The following DSCAM variants were observed in gnomAD, a reference collection of about 807,000 sequenced individuals.
DSCAM encodes cell adhesion molecule DSCAM.
DSCAM carries 47 observed loss-of-function variants against 217.7 expected under a neutral mutation model. The observed-to-expected ratio is 0.22, with a 90% CI of 0.17 to 0.28. The LOEUF (loss-of-function observed/expected upper bound fraction) is 0.28, where lower values mean the gene tolerates loss of function less well. Among genes scored for constraint, DSCAM ranks in the 10% least tolerant of loss-of-function variants. The pLI is 1.00. For missense variants in DSCAM, 2,080 were observed against 2,618.3 expected, an observed-to-expected ratio of 0.79 and a Z score of 4.49; for synonymous variants, 1,056 against 1,015.3, an observed-to-expected ratio of 1.04 and a Z score of -0.76.
intron 3 of DSCAM, among the ~76,000 whole-genome samples, chr21:40,487,322 T>TGAGAGAGA (rs1373428913): frequency 2.2e-5 from 3 of 138,344 alleles, no homozygotes; most frequent in African/African-American, 8.5e-5. Context: ...TGTGTGTGTG[T>TGAGAGAGA]GTGTGAGAGA....
chr21:40,012,907 C>CTT lies in DSCAM; in HGVS notation c.*125_*126dup, dbSNP rs11451228. 0.33 allele frequency: 179,443 copies of CTT among 547,482 alleles called. 16,337 individuals carry two copies. The highest frequency in any genetic ancestry group is 0.35 in the Non-Finnish European group (129,994 of 366,192). 33.9% of individuals were successfully genotyped at this position (547,482 alleles called of 1,614,324 possible). A position where few individuals can be genotyped will look rare whatever the true frequency, so the allele number is the denominator to read the frequency against. On this transcript the variant is annotated 3_prime_UTR_variant, in exon 33 of 33. Coordinates refer to ENST00000400454, the MANE Select transcript of DSCAM (RefSeq NM_001389.5). ...ACTGTCTGTGGTTTCAGTATTTTCT[C>CTT]TTTTTTTTTTTTAATATATTTTGGC...
chr21:40,689,059 A>G (rs958819652), intron 3 of DSCAM, among the ~76,000 whole-genome samples: 1 of 152,170 alleles, frequency 6.6e-6, no homozygotes. Context: ...CACAACACTC[A>G]TTAAACCCTG....
rs373471086 is a variant in DSCAM at position 40,166,967 on chromosome 21, C to T, written c.3018+251G>A. Among the ~76,000 whole-genome samples, 7 of 144,272 alleles carry T rather than the reference C, an allele frequency of 4.9e-5. No individual in the cohort carries two copies. The South Asian group carries it at 1.1e-3, about 23-fold the overall frequency. 94.6% of individuals were successfully genotyped at this position (144,272 alleles called of 152,430 possible). On this transcript the variant is annotated intron_variant, in intron 16 of 32. Transcript: ENST00000400454. Reference sequence around the variant, plus strand: ...ATTTCTGTAGAGACCACTGCTTAGACCTTGATCAAGATTCAAGGAAGAAAA... The same window carrying T: ...ATTTCTGTAGAGACCACTGCTTAGATCTTGATCAAGATTCAAGGAAGAAAA...
intron 11 of DSCAM, among the ~76,000 whole-genome samples, chr21:40,220,245 C>T (rs1293579585): frequency 6.6e-6 from 1 of 152,132 alleles, no homozygotes; most frequent in East Asian, 1.9e-4. Flanking sequence ...CTGTGTGTGG[C>T]CAGCTACCTC....
chr21:40,446,109 G>A (rs1002986360), intron 3 of DSCAM, among the ~76,000 whole-genome samples: 1 of 152,180 alleles, frequency 6.6e-6, no homozygotes, highest in Non-Finnish European at 1.5e-5. Context: ...TTACCTGACA[G>A]ACATCAAGAA....
intron 3 of DSCAM, among the ~76,000 whole-genome samples, chr21:40,376,112 G>T (rs189898899): frequency 1.6e-4 from 25 of 152,168 alleles, no homozygotes; most frequent in Admixed American, 1.6e-3. Flanking sequence ...TCCTATTGCA[G>T]TCTATATGAA....
At chr21:40,817,663 C>G (rs999327447) in intron 1 of DSCAM, among the ~76,000 whole-genome samples, 1 of 152,194 alleles carries the variant, frequency 6.6e-6, no homozygotes, top group Admixed American at 6.5e-5. Context: ...AAAATCTCTC[C>G]GAGTAAGCAT....
chr21:40,439,348 C>A (rs1168680284), intron 3 of DSCAM, among the ~76,000 whole-genome samples: 2 of 152,146 alleles, frequency 1.3e-5, no homozygotes, highest in Non-Finnish European at 2.9e-5. Flanking sequence ...GCAGATCAGG[C>A]CTGGATCCCA....
At chr21:40,110,054 G>A (rs2089875336) in intron 20 of DSCAM, among the ~76,000 whole-genome samples, 1 of 152,228 alleles carries the variant, frequency 6.6e-6, no homozygotes, top group African/African-American at 2.4e-5. Flanking sequence ...CTGTCTGACA[G>A]CTTTGAAGAG....
intron 3 of DSCAM, among the ~76,000 whole-genome samples, chr21:40,569,911 GA>G (rs888020139): frequency 4.0e-5 from 6 of 151,474 alleles, no homozygotes; most frequent in South Asian, 2.1e-4. Flanking sequence ...GCAAACAGCA[GA>G]AAAAAAAATT....
At chr21:40,543,606 G>A (rs1568892369) in intron 3 of DSCAM, among the ~76,000 whole-genome samples, 1 of 152,004 alleles carries the variant, frequency 6.6e-6, no homozygotes, top group Non-Finnish European at 1.5e-5. Flanking sequence ...GAATGGGGGG[G>A]CAGGGATCCC....
intron 3 of DSCAM, among the ~76,000 whole-genome samples, chr21:40,415,579 C>G (rs1020652853): frequency 6.6e-6 from 1 of 152,196 alleles, no homozygotes. Flanking sequence ...ATCTAGAATC[C>G]TGAAAGGACA....
chr21:40,462,824 C>G (rs1045028505), intron 3 of DSCAM, among the ~76,000 whole-genome samples: 3 of 152,148 alleles, frequency 2.0e-5, no homozygotes, highest in Non-Finnish European at 2.9e-5. Context: ...CTTGTAGCAC[C>G]TGATCAGAGT....
At chr21:40,542,901 C>G (rs2076552947) in intron 3 of DSCAM, among the ~76,000 whole-genome samples, 1 of 152,062 alleles carries the variant, frequency 6.6e-6, no homozygotes. Context: ...AGAAACGACC[C>G]CAGGAAAGAG....
chr21:40,022,232 G>A (rs949641512), intron 32 of DSCAM, among the ~76,000 whole-genome samples: 4 of 152,140 alleles, frequency 2.6e-5, no homozygotes, highest in Non-Finnish European at 5.9e-5. Context: ...GCAAAGTCTG[G>A]AGACATTTTG....
In DSCAM at chr21:40,342,745, C is replaced by CTT. The variant is rs1217476912; in HGVS notation, c.1211-3332_1211-3331dup. On this transcript the variant is annotated intron_variant, in intron 6 of 32. Coordinates refer to ENST00000400454, the MANE Select transcript of DSCAM (RefSeq NM_001389.5). ...CTGGGACTGCAGGTGCACACCACGC[C>CTT]TTTTTTTTTTTTTTTTTTTTTTGTA... Among the ~76,000 whole-genome samples the CTT allele has an allele frequency of 6.8e-3, 458 of 67,138 alleles. 16 individuals are homozygous for CTT. The highest frequency in any genetic ancestry group is 0.015 in the Middle Eastern group (1 of 66). 44.0% of individuals were successfully genotyped at this position (67,138 alleles called of 152,430 possible). A position where few individuals can be genotyped will look rare whatever the true frequency, so the allele number is the denominator to read the frequency against.
At position 40,276,246 on chromosome 21, in the gene DSCAM, G is replaced by C. The variant is rs1248939413; in HGVS notation, c.2207C>G (p.Pro736Arg). ...SKGAGVPQFQ[P>R]IALNGRIQVL... is the part of the protein sequence containing the mutation. Reference sequence around the variant, plus strand: ...TTGGATTCGGCCATTTAGGGCAATTGGCTGGAACTGGGGAACCCCAGCACC... The same window carrying C: ...TTGGATTCGGCCATTTAGGGCAATTCGCTGGAACTGGGGAACCCCAGCACC... The change falls in exon 11 of 33, where the codon CCA becomes CGA. Residue 736 changes from proline to arginine, a missense_variant. This residue lies in a region of DSCAM where 218 missense variants were observed against 364.1 expected (regional missense o/e 0.60). Transcript: ENST00000400454. The C allele has an allele frequency of 6.2e-7, 1 of 1,606,398 alleles. No homozygotes were observed. Among genetic ancestry groups the C allele is most frequent in the Non-Finnish European group, 8.5e-7 (1 of 1,177,320 alleles).
At chr21:40,514,875 G>A (rs933288241) in intron 3 of DSCAM, among the ~76,000 whole-genome samples, 2 of 152,184 alleles carry the variant, frequency 1.3e-5, no homozygotes, top group Non-Finnish European at 2.9e-5. Context: ...TAAAGATGTG[G>A]AATGGGTCAG....
intron 3 of DSCAM, among the ~76,000 whole-genome samples, chr21:40,685,503 C>T (rs1420647834): frequency 1.3e-5 from 2 of 152,222 alleles, no homozygotes; most frequent in African/African-American, 4.8e-5. Context: ...CAGGAGCTCT[C>T]CTGCTCCCCT....
Sources: allele counts gnomAD v4.1 joint callset (sites outside exome capture counted in the v4.1 genomes callset), GRCh38; gene constraint gnomAD v4.1.1; regional missense constraint gnomAD v4.1.1; transcripts MANE v1.5; gene names NCBI Gene and HGNC (gene_info 2026-07-23, HGNC 2026-07-21).